Variants in RBFOX3 observed in about 807,000 individuals in gnomAD.
The protein encoded by RBFOX3 is RNA binding fox-1 homolog 3.
In RBFOX3, 17 loss-of-function variants were observed where a neutral mutation model predicts 48.7. The observed-to-expected ratio is 0.35, with a 90% CI of 0.24 to 0.52. The LOEUF (loss-of-function observed/expected upper bound fraction) is 0.52, where lower values mean the gene tolerates loss of function less well. RBFOX3 is among the 20% of genes least tolerant of loss of function. RBFOX3 has a pLI of 0.94. For missense variants in RBFOX3, 382 were observed against 497.5 expected (o/e 0.77, Z 2.21); for synonymous variants, 212 against 209.5 (o/e 1.01, Z -0.10).
chr17:79,165,054 A>G (rs1378880771), intron 4 of RBFOX3, among the ~76,000 whole-genome samples: 1 of 152,152 alleles, frequency 6.6e-6, no homozygotes, highest in African/African-American at 2.4e-5. Context: ...GCCCCTGAAC[A>G]AAAGCAGCCG....
chr17:79,303,641 T>G (rs2075657386), intron 3 of RBFOX3, among the ~76,000 whole-genome samples: 1 of 152,042 alleles, frequency 6.6e-6, no homozygotes. Context: ...CTTTATCTTT[T>G]AGAGAGAAAT....
chr17:79,186,204 C>T (rs1318574913), intron 4 of RBFOX3, among the ~76,000 whole-genome samples: 1 of 152,204 alleles, frequency 6.6e-6, no homozygotes, highest in Non-Finnish European at 1.5e-5. Flanking sequence ...CTCCATCAGG[C>T]GGCTCATCAC....
chr17:79,249,777 C>T lies in RBFOX3; in HGVS notation c.-73-13972G>A, dbSNP rs911357677. Reference sequence around the variant, plus strand: ...GCCTCCCGACCAAACCTGGTACCTCCCTGTGTGTCCCTGATGCCGAGTTCC... The same window carrying T: ...GCCTCCCGACCAAACCTGGTACCTCTCTGTGTGTCCCTGATGCCGAGTTCC... On this transcript the variant is annotated intron_variant, in intron 3 of 14. Coordinates refer to ENST00000693108, the MANE Select transcript of RBFOX3 (RefSeq NM_001350451.2). This position sits in a 1 kb window ranked among gnomAD's most constrained non-coding sequence, Gnocchi z 4.1. Among the ~76,000 whole-genome samples, 1 of 152,158 alleles carries T rather than the reference C, an allele frequency of 6.6e-6. No individual in the cohort carries two copies. The highest frequency in any genetic ancestry group is 1.9e-4 in the East Asian group (1 of 5,190).
At chr17:79,188,084 T>C (rs1402716721) in intron 4 of RBFOX3, among the ~76,000 whole-genome samples, 1 of 151,932 alleles carries the variant, frequency 6.6e-6, no homozygotes, top group Admixed American at 6.6e-5. Context: ...CAAGCAGGGG[T>C]GAAGCAAGCC....
At chr17:79,622,962 A>C in the RBFOX3 span, among the ~76,000 whole-genome samples, 1 of 151,548 alleles carries the variant, frequency 6.6e-6, no homozygotes, top group Non-Finnish European at 1.5e-5. Context: ...CATCTCTACC[A>C]CGCCCTGTCC....
intron 2 of RBFOX3, among the ~76,000 whole-genome samples, chr17:79,441,708 C>G (rs1175398735): frequency 3.9e-5 from 6 of 152,324 alleles, no homozygotes; most frequent in African/African-American, 1.4e-4. Context: ...ACAGCAACCC[C>G]CAGAAAGCAG....
intron 3 of RBFOX3, among the ~76,000 whole-genome samples, chr17:79,240,824 C>A (rs907040851): frequency 6.6e-6 from 1 of 151,966 alleles, no homozygotes; most frequent in Non-Finnish European, 1.5e-5. Context: ...CCACCACACC[C>A]AGCTAATTTT....
intron 4 of RBFOX3, among the ~76,000 whole-genome samples, chr17:79,209,577 C>T (rs1184462907): frequency 6.6e-6 from 1 of 152,232 alleles, no homozygotes; most frequent in Non-Finnish European, 1.5e-5. Context: ...GATGAACCAC[C>T]TCGGTACCCC....
intron 3 of RBFOX3, among the ~76,000 whole-genome samples, chr17:79,250,558 T>C (rs748987705): frequency 3.3e-5 from 5 of 152,242 alleles, no homozygotes; most frequent in Non-Finnish European, 5.9e-5. Flanking sequence ...CCAGCCTCAC[T>C]GCTTGGCCGA....
Position 79,571,840 on chromosome 17 carries a change from G to A in RBFOX3, c.-320+38986C>T, listed in dbSNP as rs904990448. Among the ~76,000 whole-genome samples the A allele has an allele frequency of 3.9e-3, 591 of 152,252 alleles. 5 individuals are homozygous for A. The highest frequency in any genetic ancestry group is 0.011 in the African/African-American group (470 of 41,552). ...CAAGGAGGGAATGAGGTAGGCAACA[G>A]GAAGGCCTGTGGTGGCGACAATAGA... On this transcript the variant is annotated intron_variant, in intron 1 of 14. Transcript: ENST00000693108.
chr17:79,238,061 G>A (rs921693704), intron 3 of RBFOX3, among the ~76,000 whole-genome samples: 1 of 151,980 alleles, frequency 6.6e-6, no homozygotes, highest in Non-Finnish European at 1.5e-5. Flanking sequence ...CTCAGCCTCC[G>A]AAGTAGCTGG....
chr17:79,519,642 C>T (rs897414161), intron 1 of RBFOX3, among the ~76,000 whole-genome samples: 8 of 152,204 alleles, frequency 5.3e-5, no homozygotes, highest in African/African-American at 1.9e-4. Flanking sequence ...TGGGAGGTCA[C>T]CCCTAAGCCC....
At chr17:79,108,958 G>T (rs375152557) in intron 5 of RBFOX3, among the ~76,000 whole-genome samples, 1 of 152,252 alleles carries the variant, frequency 6.6e-6, no homozygotes, top group African/African-American at 2.4e-5. Flanking sequence ...CCCCTGCGTT[G>T]AACAGCGAGG....
At chr17:79,159,675 C>T (rs564940591) in intron 4 of RBFOX3, among the ~76,000 whole-genome samples, 95 of 152,330 alleles carry the variant, frequency 6.2e-4, no homozygotes, top group Admixed American at 2.0e-3. Context: ...CACGCCTGGG[C>T]TGCATGCCCG....
chr17:79,409,376 G>A (rs374951636), intron 2 of RBFOX3, among the ~76,000 whole-genome samples: 8 of 152,176 alleles, frequency 5.3e-5, no homozygotes, highest in East Asian at 3.8e-4. Context: ...GGAGCGAGAC[G>A]GCCGGGTTGT....
At chr17:79,247,822 G>A (rs1270689008) in intron 3 of RBFOX3, among the ~76,000 whole-genome samples, 1 of 152,184 alleles carries the variant, frequency 6.6e-6, no homozygotes, top group African/African-American at 2.4e-5. Context: ...TGGGATGGTT[G>A]GTAAACCTCC....
At chr17:79,625,908 C>T in the RBFOX3 span, among the ~76,000 whole-genome samples, 1 of 152,206 alleles carries the variant, frequency 6.6e-6, no homozygotes, top group African/African-American at 2.4e-5. Flanking sequence ...AGGCAGCGCC[C>T]CTTACCACCA....
the RBFOX3 span, among the ~76,000 whole-genome samples, chr17:79,648,243 A>T: frequency 6.6e-6 from 1 of 152,292 alleles, no homozygotes; most frequent in South Asian, 2.1e-4. Flanking sequence ...CATGGCCAGC[A>T]TGGGACTGGC....
chr17:79,572,722 G>C (rs1024693370), intron 1 of RBFOX3, among the ~76,000 whole-genome samples: 8 of 152,178 alleles, frequency 5.3e-5, no homozygotes, highest in South Asian at 2.1e-4. Context: ...GTTTGCAAAC[G>C]TGCGTGTTTC....
Sources: allele counts gnomAD v4.1 joint callset (sites outside exome capture counted in the v4.1 genomes callset), GRCh38; gene constraint gnomAD v4.1.1; non-coding constraint Gnocchi (gnomAD v3.1); transcripts MANE v1.5; gene names NCBI Gene and HGNC (gene_info 2026-07-23, HGNC 2026-07-21).